The following SCN3A variants were observed in gnomAD, a reference collection of about 807,000 sequenced individuals.
The protein encoded by SCN3A is sodium channel protein type 3 subunit alpha.
Under a neutral mutation model 187.6 loss-of-function variants are expected in SCN3A, and 60 were observed. The ratio of observed to expected loss-of-function variants is 0.32; its 90% confidence interval spans 0.26 to 0.40. The LOEUF is 0.40. Among genes scored for constraint, SCN3A ranks in the 10% least tolerant of loss-of-function variants. The pLI, the probability that SCN3A is intolerant of heterozygous loss-of-function variation, is 1.00. For missense variants in SCN3A, 1,601 were observed against 2,428.2 expected, an observed-to-expected ratio of 0.66 and a Z score of 7.16; for synonymous variants, 788 against 829.2, an observed-to-expected ratio of 0.95 and a Z score of 0.85.
Position 165,092,040 on chromosome 2 carries a change from C to T in SCN3A, c.4807+214G>A. ...TGTTTATTTCCTGTCTTCTTCACCT[C>T]TTTCCCAAATCTGGTATTCCTAACA... On this transcript the variant is annotated intron_variant, in intron 27 of 27. Coordinates refer to ENST00000283254, the MANE Select transcript of SCN3A (RefSeq NM_006922.4). This position sits in a 1 kb window ranked among gnomAD's most constrained non-coding sequence, Gnocchi z 4.2. 1.7e-6 allele frequency: 1 copy of T among 601,248 alleles called. No homozygotes were observed. The allele number at this position is 601,248 out of a possible 1,614,324, so 37.2% of individuals were successfully genotyped here.
chr2:165,092,086 T>C lies in SCN3A; in HGVS notation c.4807+168A>G. On this transcript the variant is annotated intron_variant, in intron 27 of 27. Coordinates refer to ENST00000283254, the MANE Select transcript of SCN3A (RefSeq NM_006922.4). The surrounding 1 kb of genome is among the most constrained non-coding windows in gnomAD (Gnocchi z 4.2). ...TAACATGGTTTCTAACTAGTTAGCTTTGTGAATAAACCCAGGTTTCAGAGT... is the reference window on the plus strand; with the variant it reads ...TAACATGGTTTCTAACTAGTTAGCTCTGTGAATAAACCCAGGTTTCAGAGT... The C allele has an allele frequency of 4.3e-6, 3 of 695,020 alleles. No individual in the cohort carries two copies. Among genetic ancestry groups the C allele is most frequent in the Non-Finnish European group, 7.4e-6 (3 of 403,054 alleles). The allele number at this position is 695,020 out of a possible 1,614,324, so 43.1% of individuals were successfully genotyped here.
chr2:165,115,373 ATT>A, intron 19 of SCN3A, 80 bp downstream of exon 19: 2 of 1,327,936 alleles, frequency 1.5e-6, no homozygotes, highest in Non-Finnish European at 2.1e-6. Flanking sequence ...CGTTTCATAA[ATT>A]TTTTTTTTTA....
At chr2:165,202,111 T>C (rs1406912621) in intron 1 of SCN3A, among the ~76,000 whole-genome samples, 2 of 152,048 alleles carry the variant, frequency 1.3e-5, no homozygotes, top group Non-Finnish European at 2.9e-5. Flanking sequence ...AAATCACCAC[T>C]ACATTCTTTT....
At position 165,140,872 on chromosome 2, in the gene SCN3A, T is replaced by C; in HGVS notation, c.1798A>G (p.Thr600Ala). Reference protein sequence around the residue: ...ENDFADDEHSTFEDSESRRDS... With the variant: ...ENDFADDEHSAFEDSESRRDS... ...CTCCTGCTTTCGCTGTCTTCAAATG[T>C]GCTGTGTTCATCATCAGCAAAGTCA... Residue 600 changes from threonine (T) to alanine (A), a missense_variant, in exon 13 of 28, where the codon ACA becomes GCA. Physicochemically the swap from Thr to Ala is moderately conservative, Grantham distance 58 (BLOSUM62 0). Transcript: ENST00000283254. This position sits in a 1 kb window ranked among gnomAD's most constrained non-coding sequence, Gnocchi z 4.2. 6.2e-7 allele frequency: 1 copy of C among 1,614,130 alleles called. No individual in the cohort carries two copies. Among genetic ancestry groups the C allele is most frequent in the Non-Finnish European group, 8.5e-7 (1 of 1,180,014 alleles).
At chr2:165,150,799 GTCT>G (rs1244348299) in intron 11 of SCN3A, among the ~76,000 whole-genome samples, 1 of 151,996 alleles carries the variant, frequency 6.6e-6, no homozygotes, top group African/African-American at 2.4e-5. Context: ...ACATTAATTT[GTCT>G]TCTTTTATTA....
chr2:165,117,497 TAC>T (rs1686428542), intron 18 of SCN3A, among the ~76,000 whole-genome samples: 1 of 152,062 alleles, frequency 6.6e-6, no homozygotes, highest in Non-Finnish European at 1.5e-5. Context: ...CATCTATATA[TAC>T]ACACACGTAT....
intron 11 of SCN3A, among the ~76,000 whole-genome samples, chr2:165,151,221 C>T (rs1688666335): frequency 6.6e-6 from 1 of 152,096 alleles, no homozygotes; most frequent in African/African-American, 2.4e-5. Context: ...TCCATTACCC[C>T]AAAAAATGCC....
intron 19 of SCN3A, among the ~76,000 whole-genome samples, chr2:165,115,097 A>G (rs1686296675): frequency 6.6e-6 from 1 of 152,172 alleles, no homozygotes; most frequent in Non-Finnish European, 1.5e-5. Context: ...TCTATTGCCC[A>G]GGCTGAAGTG....
At chr2:165,152,999 G>GAAAA (rs74343120) in intron 11 of SCN3A, among the ~76,000 whole-genome samples, 1 of 120,274 alleles carries the variant, frequency 8.3e-6, no homozygotes, top group Non-Finnish European at 1.8e-5. Context: ...AAACAGCTTT[G>GAAAA]AAAAAAAAAA....
intron 1 of SCN3A, among the ~76,000 whole-genome samples, chr2:165,193,875 G>A (rs1033451380): frequency 1.3e-5 from 2 of 152,128 alleles, no homozygotes; most frequent in African/African-American, 4.8e-5. Context: ...GGTGCAAATG[G>A]TAAACCACAC....
chr2:165,200,507 C>T (rs766161384), intron 1 of SCN3A, among the ~76,000 whole-genome samples: 1 of 152,020 alleles, frequency 6.6e-6, no homozygotes, highest in Non-Finnish European at 1.5e-5. Flanking sequence ...AAGATAAGAA[C>T]TCGTAAGAGC....
At position 165,138,081 on chromosome 2, in the gene SCN3A, C is replaced by T. The variant is rs1409142141; in HGVS notation, c.2189G>A (p.Trp730Ter). 6.2e-7 allele frequency: 1 copy of T among 1,613,488 alleles called. No individual in the cohort carries two copies. The highest frequency in any genetic ancestry group is 1.7e-5 in the Admixed American group (1 of 59,966). Residue 730 changes from tryptophan to a stop codon, truncating the protein, a stop_gained, in exon 15 of 28, where the codon TGG becomes TAG. Coordinates refer to ENST00000283254, the MANE Select transcript of SCN3A (RefSeq NM_006922.4). LOFTEE classifies it high-confidence loss of function. Reference protein sequence around the residue: ...EESRQKCPPCWYRFANVFLIW... With the variant: ...EESRQKCPPC ...CAAGAACACATTGGCAAATCTATAC[C>T]AGCATGGCGGACATTTCTGTCTAGA...
In SCN3A at chr2:165,115,444, A is replaced by T. The variant is rs762989572; in HGVS notation, c.3514+11T>A. On this transcript the variant is annotated intron_variant, in intron 19 of 27. Coordinates refer to ENST00000283254, the MANE Select transcript of SCN3A (RefSeq NM_006922.4). ...GGGAGATTGTATTTAATCACATCAG[A>T]GCTTGTTTACCTTCAGTAAAACAAG... is the stretch of plus-strand genomic sequence containing the variant. The T allele has an allele frequency of 2.1e-5, 34 of 1,613,136 alleles. No individual in the cohort carries two copies. In the South Asian group the frequency reaches 3.6e-4, roughly 17 times the overall value.
chr2:165,191,675 C>T (rs945538725), intron 1 of SCN3A, among the ~76,000 whole-genome samples: 2 of 152,156 alleles, frequency 1.3e-5, no homozygotes. Flanking sequence ...ATCTCTTACC[C>T]TGCTCTGATG....
intron 18 of SCN3A, among the ~76,000 whole-genome samples, chr2:165,126,002 A>C (rs1349909614): frequency 6.6e-6 from 1 of 152,154 alleles, no homozygotes; most frequent in African/African-American, 2.4e-5. Flanking sequence ...TCTTTCAGCA[A>C]CTCTAAAATA....
rs148348855 is a variant in SCN3A, at chr2:165,113,726, G to A, written c.3669+90C>T. ...AAGACACAGATATGCCTTTTCTTTT[G>A]ATTCTGAAGCTCAGTGTTTGCATCT... On this transcript the variant is annotated intron_variant, in intron 20 of 27. Coordinates refer to ENST00000283254, the MANE Select transcript of SCN3A (RefSeq NM_006922.4). 36 of 1,401,810 alleles carry A rather than the reference G, an allele frequency of 2.6e-5. No individual in the cohort carries two copies. The African/African-American group carries it at 3.8e-4, about 15-fold the overall frequency. The allele number at this position is 1,401,810 out of a possible 1,614,324, so 86.8% of individuals were successfully genotyped here. A position where few individuals can be genotyped will look rare whatever the true frequency, so the allele number is the denominator to read the frequency against.
chr2:165,145,854 T>C (rs1688286586), intron 12 of SCN3A, among the ~76,000 whole-genome samples: 1 of 152,124 alleles, frequency 6.6e-6, no homozygotes, highest in South Asian at 2.1e-4. Flanking sequence ...GCACATGAAA[T>C]TCTAATGGTG....
chr2:165,130,436 C>T (rs1049863980), intron 16 of SCN3A, 140 bp from the exon 17 acceptor site: 7 of 844,008 alleles, frequency 8.3e-6, no homozygotes, highest in Non-Finnish European at 1.3e-5. Flanking sequence ...ATTTCAAATC[C>T]AGAAAAAATA....
Position 165,140,793 on chromosome 2 carries a change from C to G in SCN3A, c.1877G>C (p.Ser626Thr), listed in dbSNP as rs771361801. The G allele has an allele frequency of 2.5e-6, 4 of 1,614,118 alleles. No individual in the cohort carries two copies. The highest frequency in any genetic ancestry group is 3.4e-6 in the Non-Finnish European group (4 of 1,180,012). Residue 626 changes from serine to threonine, a missense_variant, in exon 13 of 28, where the codon AGT becomes ACT. Physicochemically the swap from Ser to Thr is moderately conservative, Grantham distance 58 (BLOSUM62 1). Around this residue, in one of 11 missense-constraint regions of SCN3A, gnomAD observed 376 missense variants for 476.0 expected, o/e 0.79. Coordinates refer to ENST00000283254, the MANE Select transcript of SCN3A (RefSeq NM_006922.4). This position sits in a 1 kb window ranked among gnomAD's most constrained non-coding sequence, Gnocchi z 4.2. ...RHGERRNSNVSQASMSSRMVP... is the reference protein window; with the variant it reads ...RHGERRNSNVTQASMSSRMVP... ...CATCCTGGATGACATACTGGCCTGA[C>G]TAACGTTACTGTTGCGTCGCTCTCC...
Sources: gnomAD v4.1 joint callset for allele counts (sites outside exome capture counted in the v4.1 genomes callset) on GRCh38, gnomAD v4.1.1 for gene constraint, gnomAD v4.1.1 regional missense constraint, Gnocchi (gnomAD v3.1) non-coding constraint, MANE v1.5 for transcripts, NCBI Gene and HGNC (gene_info 2026-07-23, HGNC 2026-07-21) for gene names.